Variants in NELL1 observed in about 807,000 individuals in gnomAD.
The protein encoded by NELL1 is neural EGFL like 1.
NELL1 carries 76 observed loss-of-function variants against 107.4 expected under a neutral mutation model. The observed-to-expected ratio is 0.71, with a 90% CI of 0.59 to 0.86. NELL1 has a LOEUF of 0.86. Among genes scored for constraint, NELL1 ranks in the 40% least tolerant of loss-of-function variants. The pLI is 0.00. For synonymous variants in NELL1, 353 were observed against 341.2 expected (o/e 1.03, Z -0.38); for missense variants, 1,024 against 1,005.5 (o/e 1.02, Z -0.25).
intron 16 of NELL1, 78 bp from the exon 17 acceptor site, chr11:21,560,111 T>C (rs891193019): frequency 7.5e-7 from 1 of 1,334,560 alleles, no homozygotes; most frequent in Non-Finnish European, 1.1e-6. Flanking sequence ...TGTTAGTTAA[T>C]GCTACTGCAA....
At chr11:21,011,944 T>C (rs1217729690) in intron 12 of NELL1, among the ~76,000 whole-genome samples, 1 of 152,182 alleles carries the variant, frequency 6.6e-6, no homozygotes, top group African/African-American at 2.4e-5. Flanking sequence ...TATCACTGTA[T>C]TCATCACCGT....
chr11:20,776,760 T>G (rs1307148373), intron 2 of NELL1, among the ~76,000 whole-genome samples: 1 of 151,816 alleles, frequency 6.6e-6, no homozygotes, highest in Non-Finnish European at 1.5e-5. Context: ...TGCGGGAGTG[T>G]GGGCTGTGGG....
chr11:21,475,823 G>C (rs939117896), intron 15 of NELL1, among the ~76,000 whole-genome samples: 2 of 152,212 alleles, frequency 1.3e-5, no homozygotes, highest in African/African-American at 4.8e-5. Context: ...GCTGTGGCTT[G>C]TAGCTGTTTG....
intron 3 of NELL1, among the ~76,000 whole-genome samples, chr11:20,815,257 G>A (rs887840760): frequency 6.6e-6 from 1 of 151,978 alleles, no homozygotes; most frequent in African/African-American, 2.4e-5. Context: ...TAGAGACAGG[G>A]TTTTGTAGTT....
At chr11:21,322,534 C>A (rs1462527088) in intron 14 of NELL1, among the ~76,000 whole-genome samples, 4 of 152,136 alleles carry the variant, frequency 2.6e-5, no homozygotes, top group African/African-American at 9.7e-5. Flanking sequence ...CACACACATA[C>A]ACACACATCA....
At chr11:21,325,527 T>C (rs2133675353) in intron 14 of NELL1, among the ~76,000 whole-genome samples, 1 of 151,972 alleles carries the variant, frequency 6.6e-6, no homozygotes, top group East Asian at 1.9e-4. Context: ...ATTCCATTTT[T>C]TAAGGTGAAC....
At chr11:21,329,606 T>A (rs1459243926) in intron 14 of NELL1, among the ~76,000 whole-genome samples, 1 of 152,154 alleles carries the variant, frequency 6.6e-6, no homozygotes, top group Non-Finnish European at 1.5e-5. Context: ...GTATAAATTA[T>A]CCTTCTTTTT....
intron 12 of NELL1, among the ~76,000 whole-genome samples, chr11:21,039,155 G>T (rs990000974): frequency 1.7e-4 from 26 of 152,100 alleles, no homozygotes; most frequent in African/African-American, 6.3e-4. Context: ...AAGAGTTTGA[G>T]ATAAGAATGA....
chr11:20,915,717 A>ATATATATATATATATATATATATATATT, intron 5 of NELL1, among the ~76,000 whole-genome samples: 10 of 58,212 alleles, frequency 1.7e-4, no homozygotes, highest in Non-Finnish European at 2.9e-4. Flanking sequence ...ATATATATAT[A>ATATATATATATATATATATATATATATT]TTTTTTTTTT....
In NELL1 at chr11:21,519,180, A is replaced by G. The variant is rs1411689529; in HGVS notation, c.1646-15194A>G. 2.6e-5 allele frequency among the ~76,000 whole-genome samples: 4 copies of G among 152,188 alleles called. No homozygotes were observed. In the East Asian group the frequency reaches 7.7e-4, roughly 29 times the overall value. On this transcript the variant is annotated intron_variant, in intron 15 of 19. Coordinates refer to ENST00000357134, the MANE Select transcript of NELL1 (RefSeq NM_006157.5). ...CCCACTGCCACTCCATCTCCAGCAG[A>G]CTTCTCCTTACTTCTCATTAGCAAG...
chr11:21,420,725 G>C (rs1006790160), intron 15 of NELL1, among the ~76,000 whole-genome samples: 3 of 152,126 alleles, frequency 2.0e-5, no homozygotes, highest in Admixed American at 2.0e-4. Flanking sequence ...AATTGTATTA[G>C]AGTGGGTCCA....
At chr11:20,809,263 C>A (rs1857449584) in intron 3 of NELL1, among the ~76,000 whole-genome samples, 1 of 152,124 alleles carries the variant, frequency 6.6e-6, no homozygotes. Flanking sequence ...CATAATTGTA[C>A]ATATTTACGG....
At chr11:21,292,800 A>T (rs772467964) in intron 14 of NELL1, among the ~76,000 whole-genome samples, 4 of 152,182 alleles carry the variant, frequency 2.6e-5, no homozygotes, top group African/African-American at 4.8e-5. Flanking sequence ...CAACCATCTG[A>T]TTTTTGACAA....
chr11:20,708,779 C>A (rs559706911), intron 2 of NELL1, among the ~76,000 whole-genome samples: 1 of 152,194 alleles, frequency 6.6e-6, no homozygotes, highest in African/African-American at 2.4e-5. Flanking sequence ...GATTCTTGGT[C>A]ATGAAGTCCA....
intron 7 of NELL1, among the ~76,000 whole-genome samples, chr11:20,925,498 T>C (rs2403644): frequency 0.99 from 147,167 of 149,374 alleles, 72,520 homozygotes; most frequent in East Asian, 1. Context: ...GTTGGCTGGG[T>C]TGGTCTCAAA....
intron 5 of NELL1, among the ~76,000 whole-genome samples, chr11:20,893,529 A>C (rs1437930365): frequency 6.6e-6 from 1 of 152,038 alleles, no homozygotes; most frequent in Non-Finnish European, 1.5e-5. Context: ...GATTAACTTT[A>C]GACTTTAAGT....
intron 11 of NELL1, among the ~76,000 whole-genome samples, chr11:20,954,827 T>C (rs1851138474): frequency 6.6e-6 from 1 of 152,234 alleles, no homozygotes. Context: ...ACTCCGGGCA[T>C]CATGATTTGA....
chr11:20,938,209 A>G (rs1378127097), intron 10 of NELL1, among the ~76,000 whole-genome samples: 1 of 152,158 alleles, frequency 6.6e-6, no homozygotes, highest in African/African-American at 2.4e-5. Context: ...TTATGATAAT[A>G]CTAACTCTAC....
chr11:20,975,831 G>A (rs1214045782), intron 12 of NELL1, among the ~76,000 whole-genome samples: 49 of 106,808 alleles, frequency 4.6e-4, no homozygotes, highest in East Asian at 8.9e-4. Flanking sequence ...TATTATATAT[G>A]TACATATGTG....
Sources: gnomAD v4.1 joint callset for allele counts (sites outside exome capture counted in the v4.1 genomes callset) on GRCh38, gnomAD v4.1.1 for gene constraint, MANE v1.5 for transcripts, NCBI Gene and HGNC (gene_info 2026-07-23, HGNC 2026-07-21) for gene names.